Variants in KLHL9 observed in about 807,000 individuals in gnomAD.
The protein encoded by KLHL9 is kelch like family member 9.
A neutral mutation model predicts 42.3 loss-of-function variants in KLHL9; 27 were observed. The ratio of observed to expected loss-of-function variants is 0.64; its 90% CI spans 0.47 to 0.88. The LOEUF is 0.88. Ranked by LOEUF, KLHL9 falls within the 40% of genes least tolerant of loss-of-function variation. The probability of loss-of-function intolerance (pLI) is 0.00; values close to 1 mark genes in which losing one functional copy is unlikely to be tolerated. For synonymous variants in KLHL9, 274 were observed against 254.4 expected (o/e 1.08, Z -0.73); for missense variants, 629 against 750.3 (o/e 0.84, Z 1.89).
At position 21,332,509 on chromosome 9, in the gene KLHL9, T is replaced by A. The variant is rs776788184; in HGVS notation, c.*497A>T. 6.1e-5 allele frequency: 10 copies of A among 162,662 alleles called. No individual in the cohort carries two copies. Among genetic ancestry groups the A allele is most frequent in the Non-Finnish European group, 1.1e-4 (8 of 73,744 alleles). 10.1% of individuals were successfully genotyped at this position (162,662 alleles called of 1,614,324 possible). Reference sequence around the variant, plus strand: ...TGGTGCTATACTGTTTTTTCCTAGTTAATATTTTTATTATTTCTGTCTACG... The same window carrying A: ...TGGTGCTATACTGTTTTTTCCTAGTAAATATTTTTATTATTTCTGTCTACG... On this transcript the variant is annotated 3_prime_UTR_variant, in exon 1 of 1. Coordinates refer to ENST00000359039, the MANE Select transcript of KLHL9 (RefSeq NM_018847.4).
chr9:21,334,511 G>A lies in KLHL9; in HGVS notation c.349C>T (p.Leu117Phe), dbSNP rs1820231427. ...GTGTCCTGAAGATTGTCCATATTAA[G>A]AGAAAGTTTTGCAGTATAAATAAAA... is the stretch of plus-strand genomic sequence containing the variant. ...IDFIYTAKLS[L>F]NMDNLQDTLE... is the part of the protein sequence containing the mutation. The change falls in exon 1 of 1, where the codon CTT (leucine) becomes TTT (phenylalanine). Residue 117 changes from leucine (L) to phenylalanine (F), a missense_variant. Leu to Phe is a conservative substitution (Grantham distance 22, BLOSUM62 0). Coordinates refer to ENST00000359039, the MANE Select transcript of KLHL9 (RefSeq NM_018847.4). This position sits in a 1 kb window ranked among gnomAD's most constrained non-coding sequence, Gnocchi z 5.1. 6.2e-7 allele frequency: 1 copy of A among 1,614,008 alleles called. No individual in the cohort carries two copies. Among genetic ancestry groups the A allele is most frequent in the African/African-American group, 1.3e-5 (1 of 74,922 alleles).
chr9:21,333,093 G>A lies in KLHL9; in HGVS notation c.1767C>T (p.Ala589=), dbSNP rs1474730839. ...CAGGTGGAAAAACTGTGAGTGTACA[G>A]GCTCGAATGCCACCAAGTGACTCTG... is the stretch of plus-strand genomic sequence containing the variant. ...DLPESLGGIR[A]CTLTVFPPEE... Residue 589 remains alanine (A), a synonymous_variant, in exon 1 of 1, where the codon GCC becomes GCT. Coordinates refer to ENST00000359039, the MANE Select transcript of KLHL9 (RefSeq NM_018847.4). This position sits in a 1 kb window ranked among gnomAD's most constrained non-coding sequence, Gnocchi z 7.5. 3 of 1,614,050 alleles carry A rather than the reference G, an allele frequency of 1.9e-6. No individual in the cohort carries two copies. The highest frequency in any genetic ancestry group is 1.7e-5 in the Admixed American group (1 of 60,002).
In KLHL9 at chr9:21,330,413, T is replaced by C. The variant is rs575867983; in HGVS notation, c.*2593A>G. The C allele has an allele frequency of 9.2e-5, 14 of 152,256 alleles. No homozygotes were observed. The highest frequency in any genetic ancestry group is 3.4e-3 in the Middle Eastern group (1 of 294). The allele number at this position is 152,256 out of a possible 1,614,324, so 9.4% of individuals were successfully genotyped here. ...TTTTGGAGCAATTTGGATTTTTGGA[T>C]TAGGGCTGCTCAACCTGTATTAGCA... On this transcript the variant is annotated 3_prime_UTR_variant, in exon 1 of 1. Coordinates refer to ENST00000359039, the MANE Select transcript of KLHL9 (RefSeq NM_018847.4).
Position 21,334,030 on chromosome 9 carries a change from T to C in KLHL9, c.830A>G (p.Gln277Arg). Residue 277 changes from glutamine to arginine, a missense_variant, in exon 1 of 1, where the codon CAA becomes CGA. Physicochemically the swap from Gln to Arg is conservative, Grantham distance 43. This residue lies in a region of KLHL9 where 351 missense variants were observed against 363.1 expected (regional missense o/e 0.97). Coordinates refer to ENST00000359039, the MANE Select transcript of KLHL9 (RefSeq NM_018847.4). This position sits in a 1 kb window ranked among gnomAD's most constrained non-coding sequence, Gnocchi z 5.1. ...CACTGGCTGCATATATGGCATCATT[T>C]GGTAATTGCTAGCTTCCAAAAGCAA... ...VNLLLEASNY[Q>R]MMPYMQPVMQ... 6 of 1,614,232 alleles carry C rather than the reference T, an allele frequency of 3.7e-6. No homozygotes were observed. Among genetic ancestry groups the C allele is most frequent in the Non-Finnish European group, 5.1e-6 (6 of 1,180,036 alleles).
chr9:21,333,591 C>T lies in KLHL9; in HGVS notation c.1269G>A (p.Met423Ile). 1 of 1,614,190 alleles carries T rather than the reference C, an allele frequency of 6.2e-7. No homozygotes were observed. The highest frequency in any genetic ancestry group is 8.5e-7 in the Non-Finnish European group (1 of 1,180,032). ...TTTTTGCAACATAGCTCCACTCATT[C>T]ATTCTTGGGTTGTAACATTCTACTG... ...LATVECYNPR[M>I]NEWSYVAKMS... The change falls in exon 1 of 1, where the codon ATG becomes ATA. Residue 423 changes from methionine (M) to isoleucine (I), a missense_variant. By Grantham distance (10) the Met-to-Ile change is conservative (BLOSUM62 1). Coordinates refer to ENST00000359039, the MANE Select transcript of KLHL9 (RefSeq NM_018847.4). The surrounding 1 kb of genome is among the most constrained non-coding windows in gnomAD (Gnocchi z 7.5).
In KLHL9 at chr9:21,332,304, A is replaced by G. The variant is rs1436134775; in HGVS notation, c.*702T>C. ...TTGAATAGAAACGGCTGCTTTGTGG[A>G]AGAAAGAAACTTCAATTTAAAAACA... On this transcript the variant is annotated 3_prime_UTR_variant, in exon 1 of 1. Coordinates refer to ENST00000359039, the MANE Select transcript of KLHL9 (RefSeq NM_018847.4). The G allele has an allele frequency of 1.3e-5, 2 of 152,644 alleles. No homozygotes were observed. The highest frequency in any genetic ancestry group is 2.9e-5 in the Non-Finnish European group (2 of 68,042). 9.5% of individuals were successfully genotyped at this position (152,644 alleles called of 1,614,324 possible). A position where few individuals can be genotyped will look rare whatever the true frequency, so the allele number is the denominator to read the frequency against.
Position 21,334,979 on chromosome 9 carries a change from C to T in KLHL9, c.-120G>A. 6.9e-7 allele frequency: 1 copy of T among 1,453,596 alleles called. No individual in the cohort carries two copies. The highest frequency in any genetic ancestry group is 9.2e-7 in the Non-Finnish European group (1 of 1,082,692). 90.0% of individuals were successfully genotyped at this position (1,453,596 alleles called of 1,614,324 possible). Reference sequence around the variant, plus strand: ...AGCTCGTTTCCTTATCAAGGGAAGGCAGTCACTGCGGCACCCCTCGGGCCA... The same window carrying T: ...AGCTCGTTTCCTTATCAAGGGAAGGTAGTCACTGCGGCACCCCTCGGGCCA... On this transcript the variant is annotated 5_prime_UTR_variant, in exon 1 of 1. Transcript: ENST00000359039. This position sits in a 1 kb window ranked among gnomAD's most constrained non-coding sequence, Gnocchi z 5.1.
In KLHL9 at chr9:21,333,998, A is replaced by T. The variant is rs1820220680; in HGVS notation, c.862T>A (p.Ser288Thr). The T allele has an allele frequency of 6.2e-7, 1 of 1,614,044 alleles. No homozygotes were observed. Among genetic ancestry groups the T allele is most frequent in the Non-Finnish European group, 8.5e-7 (1 of 1,180,028 alleles). The change falls in exon 1 of 1, where the codon TCA becomes ACA. Residue 288 changes from serine to threonine, a missense_variant. Ser to Thr is a moderately conservative substitution (Grantham distance 58). Transcript: ENST00000359039. This position sits in a 1 kb window ranked among gnomAD's most constrained non-coding sequence, Gnocchi z 7.5. ...TCAGATCGAATGGCAGTTCTATCTG[A>T]CTGCATCACTGGCTGCATATATGGC... ...MMPYMQPVMQ[S>T]DRTAIRSDST... is the part of the protein sequence containing the mutation.
At position 21,331,081 on chromosome 9, in the gene KLHL9, A is replaced by G. The variant is rs1820160996; in HGVS notation, c.*1925T>C. The G allele has an allele frequency of 6.6e-6, 1 of 152,616 alleles. No individual in the cohort carries two copies. Among genetic ancestry groups the G allele is most frequent in the Admixed American group, 6.5e-5 (1 of 15,278 alleles). 9.5% of individuals were successfully genotyped at this position (152,616 alleles called of 1,614,324 possible). On this transcript the variant is annotated 3_prime_UTR_variant, in exon 1 of 1. Coordinates refer to ENST00000359039, the MANE Select transcript of KLHL9 (RefSeq NM_018847.4). ...ATAACTTGATACGAAAAACAAAGCA[A>G]CTCCAACAGATAACAGAAGGGCAAA... is the stretch of plus-strand genomic sequence containing the variant.
At position 21,333,014 on chromosome 9, in the gene KLHL9, G is replaced by T. The variant is rs1476635168; in HGVS notation, c.1846C>A (p.His616Asn). ...GGTGTTACACCTTAGACCTAAGAAT[G>T]ATCTGAAGGTGCTGAAAGAGGTGAT... Reference protein sequence around the residue: ...RESPLSAPSDHS With the variant: ...RESPLSAPSDNS Residue 616 changes from histidine to asparagine, a missense_variant, in exon 1 of 1, where the codon CAT (histidine) becomes AAT (asparagine). By Grantham distance (68) the His-to-Asn change is moderately conservative. Transcript: ENST00000359039. The surrounding 1 kb of genome is among the most constrained non-coding windows in gnomAD (Gnocchi z 7.5). 6 of 1,613,906 alleles carry T rather than the reference G, an allele frequency of 3.7e-6. No homozygotes were observed. Among genetic ancestry groups the T allele is most frequent in the Non-Finnish European group, 4.2e-6 (5 of 1,179,790 alleles).
chr9:21,334,822 G>C lies in KLHL9; in HGVS notation c.38C>G (p.Ser13Cys), dbSNP rs1477857997. The C allele has an allele frequency of 1.2e-6, 2 of 1,614,008 alleles. No homozygotes were observed. The highest frequency in any genetic ancestry group is 1.1e-5 in the South Asian group (1 of 91,072). The change falls in exon 1 of 1, where the codon TCT (serine) becomes TGT (cysteine). Residue 13 changes from serine (S) to cysteine (C), a missense_variant. Physicochemically the swap from Ser to Cys is moderately radical, Grantham distance 112 (BLOSUM62 -1). Transcript: ENST00000359039. This position sits in a 1 kb window ranked among gnomAD's most constrained non-coding sequence, Gnocchi z 5.1. ...VSLGNGEMGV[S>C]AHLQPCKAGT... The stretch of plus-strand genomic sequence containing the variant: ...TGCCTTACAAGGCTGCAAATGGGCA[G>C]AGACGCCCATTTCGCCGTTACCAAG...
chr9:21,332,996 C>T lies in KLHL9; in HGVS notation c.*10G>A, dbSNP rs1820200925. ...CCCATGACGTACTGCAAAGGTGTTA[C>T]ACCTTAGACCTAAGAATGATCTGAA... On this transcript the variant is annotated 3_prime_UTR_variant, in exon 1 of 1. Coordinates refer to ENST00000359039, the MANE Select transcript of KLHL9 (RefSeq NM_018847.4). The T allele has an allele frequency of 6.2e-7, 1 of 1,613,928 alleles. No homozygotes were observed. Among genetic ancestry groups the T allele is most frequent in the African/African-American group, 1.3e-5 (1 of 74,904 alleles).
rs370556194 is a variant in KLHL9 at position 21,332,966 on chromosome 9, G to C, written c.*40C>G. The C allele has an allele frequency of 2.5e-6, 4 of 1,613,334 alleles. No homozygotes were observed. Among genetic ancestry groups the C allele is most frequent in the African/African-American group, 1.3e-5 (1 of 75,008 alleles). On this transcript the variant is annotated 3_prime_UTR_variant, in exon 1 of 1. Coordinates refer to ENST00000359039, the MANE Select transcript of KLHL9 (RefSeq NM_018847.4). ...AGATACAACTGAAGGGGAAGTATTA[G>C]ATCACCCATGACGTACTGCAAAGGT... is the stretch of plus-strand genomic sequence containing the variant.
rs1199542534 is a variant in KLHL9, at chr9:21,331,370, A to G, written c.*1636T>C. 6.6e-6 allele frequency: 1 copy of G among 152,596 alleles called. No homozygotes were observed. Among genetic ancestry groups the G allele is most frequent in the East Asian group, 1.9e-4 (1 of 5,186 alleles). The allele number at this position is 152,596 out of a possible 1,614,324, so 9.5% of individuals were successfully genotyped here. A position where few individuals can be genotyped will look rare whatever the true frequency, so the allele number is the denominator to read the frequency against. ...AAAATGAATCAACACTTGTATGGGC[A>G]GTAAGGTTCAGACCCCTAGAAGCCA... On this transcript the variant is annotated 3_prime_UTR_variant, in exon 1 of 1. Coordinates refer to ENST00000359039, the MANE Select transcript of KLHL9 (RefSeq NM_018847.4).
chr9:21,334,101 G>C lies in KLHL9; in HGVS notation c.759C>G (p.Tyr253Ter). 2 of 1,614,148 alleles carry C rather than the reference G, an allele frequency of 1.2e-6. No homozygotes were observed. The highest frequency in any genetic ancestry group is 1.7e-6 in the Non-Finnish European group (2 of 1,179,992). Residue 253 changes from tyrosine (Y) to a stop codon, truncating the protein, a stop_gained, in exon 1 of 1, where the codon TAC becomes TAG. Coordinates refer to ENST00000359039, the MANE Select transcript of KLHL9 (RefSeq NM_018847.4). LOFTEE classifies it high-confidence loss of function. The surrounding 1 kb of genome is among the most constrained non-coding windows in gnomAD (Gnocchi z 5.1). ...TTCTCATGAAATCTACTGTCTGCAC[G>C]TAATTGATGAGATCCTGTGGTGTCA... ...PLMTPQDLIN[Y>*]VQTVDFMRTD...
At position 21,333,107 on chromosome 9, in the gene KLHL9, C is replaced by G; in HGVS notation, c.1753G>C (p.Gly585Arg). ...HKVFDLPESL[G>R]GIRACTLTVF... is the part of the protein sequence containing the mutation. Reference sequence around the variant, plus strand: ...GTGAGTGTACAGGCTCGAATGCCACCAAGTGACTCTGGAAGATCAAAAACT... The same window carrying G: ...GTGAGTGTACAGGCTCGAATGCCACGAAGTGACTCTGGAAGATCAAAAACT... The change falls in exon 1 of 1, where the codon GGT becomes CGT. Residue 585 changes from glycine (G) to arginine (R), a missense_variant. Gly to Arg is a moderately radical substitution (Grantham distance 125). Coordinates refer to ENST00000359039, the MANE Select transcript of KLHL9 (RefSeq NM_018847.4). The surrounding 1 kb of genome is among the most constrained non-coding windows in gnomAD (Gnocchi z 7.5). The G allele has an allele frequency of 6.2e-7, 1 of 1,614,186 alleles. No homozygotes were observed. Among genetic ancestry groups the G allele is most frequent in the Non-Finnish European group, 8.5e-7 (1 of 1,180,024 alleles).
rs575833842 is a variant in KLHL9, at chr9:21,334,197, G to C, written c.663C>G (p.Arg221=). ...TCCGAGGGTCTTCCAACCTTAGCCA[G>C]CGACAGGCTGCCTTAAAGAGTTCAA... ...TELELFKAAC[R]WLRLEDPRMD... Residue 221 remains arginine (R), a synonymous_variant, in exon 1 of 1, where the codon CGC becomes CGG. Coordinates refer to ENST00000359039, the MANE Select transcript of KLHL9 (RefSeq NM_018847.4). The surrounding 1 kb of genome is among the most constrained non-coding windows in gnomAD (Gnocchi z 5.1). The C allele has an allele frequency of 6.2e-7, 1 of 1,614,198 alleles. No individual in the cohort carries two copies. Among genetic ancestry groups the C allele is most frequent in the African/African-American group, 1.3e-5 (1 of 75,034 alleles).
chr9:21,334,444 T>C lies in KLHL9; in HGVS notation c.416A>G (p.Asp139Gly). 3.7e-6 allele frequency: 6 copies of C among 1,614,034 alleles called. No homozygotes were observed. The highest frequency in any genetic ancestry group is 5.1e-6 in the Non-Finnish European group (6 of 1,179,986). ...ASFLQILPVLDFCKVFLISGV... is the reference protein window; with the variant it reads ...ASFLQILPVLGFCKVFLISGV... The stretch of plus-strand genomic sequence containing the variant: ...TGATATAAGAAATACTTTACAGAAA[T>C]CCAAAACGGGTAATATTTGTAAAAA... Residue 139 changes from aspartate to glycine, a missense_variant, in exon 1 of 1, where the codon GAT becomes GGT. Transcript: ENST00000359039. The surrounding 1 kb of genome is among the most constrained non-coding windows in gnomAD (Gnocchi z 5.1).
Position 21,333,711 on chromosome 9 carries a change from T to C in KLHL9, c.1149A>G (p.Ala383=). 1.2e-6 allele frequency: 2 copies of C among 1,614,224 alleles called. No homozygotes were observed. The highest frequency in any genetic ancestry group is 1.7e-6 in the Non-Finnish European group (2 of 1,180,046). Residue 383 remains alanine, a synonymous_variant, in exon 1 of 1, where the codon GCA becomes GCG. Coordinates refer to ENST00000359039, the MANE Select transcript of KLHL9 (RefSeq NM_018847.4). The surrounding 1 kb of genome is among the most constrained non-coding windows in gnomAD (Gnocchi z 7.5). The part of the protein sequence containing the change: ...DPRYNKWMQV[A]SLNEKRTFFH... The stretch of plus-strand genomic sequence containing the variant: ...AGAATGTGCGCTTTTCATTTAATGA[T>C]GCAACCTGCATCCATTTATTATACC...
Sources: allele counts gnomAD v4.1 joint callset, GRCh38; gene constraint gnomAD v4.1.1; regional missense constraint gnomAD v4.1.1; non-coding constraint Gnocchi (gnomAD v3.1); transcripts MANE v1.5; gene names NCBI Gene and HGNC (gene_info 2026-07-23, HGNC 2026-07-21).